Variants in AGAP3 observed in about 807,000 individuals in gnomAD.
The protein encoded by AGAP3 is ArfGAP with GTPase domain, ankyrin repeat and PH domain 3, also known as arf-GAP with GTPase, ANK repeat and PH domain-containing protein 3.
A neutral mutation model predicts 96.9 loss-of-function variants in AGAP3; 24 were observed. The observed-to-expected ratio is 0.25, with a 90% CI of 0.18 to 0.35. AGAP3 has a LOEUF of 0.35. Among genes scored for constraint, AGAP3 ranks in the 10% least tolerant of loss-of-function variants. The pLI, the probability that AGAP3 is intolerant of heterozygous loss-of-function variation, is 1.00. For synonymous variants in AGAP3, 563 were observed against 536.1 expected, an observed-to-expected ratio of 1.05 and a Z score of -0.69; for missense variants, 876 against 1,254.2, an observed-to-expected ratio of 0.70 and a Z score of 4.55.
At chr7:151,104,480 A>G (rs1696180410) in intron 1 of AGAP3, among the ~76,000 whole-genome samples, 1 of 152,248 alleles carries the variant, frequency 6.6e-6, no homozygotes, top group Admixed American at 6.5e-5. Context: ...AGGCCAAAAG[A>G]AAAGAAAGAC....
Position 151,118,655 on chromosome 7 carries a change from C to T in AGAP3, c.969+23C>T, listed in dbSNP as rs895906452. The T allele has an allele frequency of 3.7e-6, 6 of 1,606,328 alleles. No individual in the cohort carries two copies. The Admixed American group carries it at 6.7e-5, about 18-fold the overall frequency. ...CAGGTTCGGCCTGTGCCCCGCCCTG[C>T]CCTTCCTGTCCCCACCATGTCTGTC... On this transcript the variant is annotated intron_variant, in intron 7 of 17. Coordinates refer to ENST00000397238, the MANE Select transcript of AGAP3 (RefSeq NM_031946.7). The surrounding 1 kb of genome is among the most constrained non-coding windows in gnomAD (Gnocchi z 6.1).
At position 151,143,707 on chromosome 7, in the gene AGAP3, C is replaced by A; in HGVS notation, c.2530-30C>A. 2 of 1,613,396 alleles carry A rather than the reference C, an allele frequency of 1.2e-6. No individual in the cohort carries two copies. The highest frequency in any genetic ancestry group is 1.7e-6 in the Non-Finnish European group (2 of 1,179,372). Reference sequence around the variant, plus strand: ...CCAATCTCTCTCCTCCCATGTCTTGCCAACTGTCAACATGTGTTTTCTCCT... The same window carrying A: ...CCAATCTCTCTCCTCCCATGTCTTGACAACTGTCAACATGTGTTTTCTCCT... On this transcript the variant is annotated intron_variant, in intron 17 of 17. Coordinates refer to ENST00000397238, the MANE Select transcript of AGAP3 (RefSeq NM_031946.7). This position sits in a 1 kb window ranked among gnomAD's most constrained non-coding sequence, Gnocchi z 5.9.
chr7:151,086,851 G>A lies in AGAP3; in HGVS notation c.110G>A (p.Gly37Asp). ...AQQLVCGGQF[G>D]GAGPGAGGGG... The stretch of plus-strand genomic sequence containing the variant: ...CAGCTCGTCTGCGGCGGGCAGTTCG[G>A]CGGCGCGGGGCCCGGGGCCGGGGGC... Residue 37 changes from glycine to aspartate, a missense_variant, in exon 1 of 18, where the codon GGC becomes GAC. By Grantham distance (94) the Gly-to-Asp change is moderately conservative. Transcript: ENST00000397238. 1 of 748,176 alleles carries A rather than the reference G, an allele frequency of 1.3e-6. No homozygotes were observed. Among genetic ancestry groups the A allele is most frequent in the Non-Finnish European group, 1.5e-6 (1 of 648,192 alleles). The allele number at this position is 748,176 out of a possible 1,614,324, so 46.3% of individuals were successfully genotyped here. A position where few individuals can be genotyped will look rare whatever the true frequency, so the allele number is the denominator to read the frequency against.
chr7:151,100,414 G>A (rs1011731733), intron 1 of AGAP3, among the ~76,000 whole-genome samples: 16 of 152,352 alleles, frequency 1.1e-4, no homozygotes, highest in African/African-American at 3.8e-4. Flanking sequence ...CCTAAGAGAT[G>A]TGTCGCGTTC....
chr7:151,118,955 AGC>A lies in AGAP3; in HGVS notation c.969+324_969+325del. 6.6e-6 allele frequency among the ~76,000 whole-genome samples: 1 copy of A among 152,322 alleles called. No individual in the cohort carries two copies. Among genetic ancestry groups the A allele is most frequent in the Non-Finnish European group, 1.5e-5 (1 of 68,026 alleles). On this transcript the variant is annotated intron_variant, in intron 7 of 17. Coordinates refer to ENST00000397238, the MANE Select transcript of AGAP3 (RefSeq NM_031946.7). This position sits in a 1 kb window ranked among gnomAD's most constrained non-coding sequence, Gnocchi z 6.1. ...CATCCACAGGTGGCATGGTCAAGGC[AGC>A]AGCCACTGCACTTTACCTCTGCCAA...
intron 8 of AGAP3, among the ~76,000 whole-genome samples, chr7:151,121,517 C>T (rs1799890578): frequency 6.6e-6 from 1 of 152,094 alleles, no homozygotes; most frequent in African/African-American, 2.4e-5. Flanking sequence ...CGTTGGCAAG[C>T]TCTGTAGCAA....
Position 151,114,835 on chromosome 7 carries a change from C to G in AGAP3, c.332-1958C>G, listed in dbSNP as rs1440426220. 1.9e-6 allele frequency: 2 copies of G among 1,056,886 alleles called. No individual in the cohort carries two copies. Among genetic ancestry groups the G allele is most frequent in the African/African-American group, 1.7e-5 (1 of 57,942 alleles). The allele number at this position is 1,056,886 out of a possible 1,614,324, so 65.5% of individuals were successfully genotyped here. A position where few individuals can be genotyped will look rare whatever the true frequency, so the allele number is the denominator to read the frequency against. On this transcript the variant is annotated intron_variant, in intron 1 of 17. Coordinates refer to ENST00000397238, the MANE Select transcript of AGAP3 (RefSeq NM_031946.7). This position sits in a 1 kb window ranked among gnomAD's most constrained non-coding sequence, Gnocchi z 4.4. ...GAGCGGCCCGCCGCTTGCCGCCGCGCCCACAGCGTCTGCGACTCGCTGGAC... is the reference window on the plus strand; with the variant it reads ...GAGCGGCCCGCCGCTTGCCGCCGCGGCCACAGCGTCTGCGACTCGCTGGAC...
In AGAP3 at chr7:151,144,021, G is replaced by A; in HGVS notation, c.*78G>A. On this transcript the variant is annotated 3_prime_UTR_variant, in exon 18 of 18. Transcript: ENST00000397238. ...CCTCCCTGCAGGCACTGTGGGAACA[G>A]ACACAGAGATGGAGAAGCAGGGACA... The A allele has an allele frequency of 7.0e-7, 1 of 1,434,586 alleles. No homozygotes were observed. The allele number at this position is 1,434,586 out of a possible 1,614,324, so 88.9% of individuals were successfully genotyped here. A position where few individuals can be genotyped will look rare whatever the true frequency, so the allele number is the denominator to read the frequency against.
At position 151,142,312 on chromosome 7, in the gene AGAP3, C is replaced by T; in HGVS notation, c.2050+59C>T. ...GATGGCCCAGGGAAAGCTTCGCAAGCATCAGGGAGCAGGGAAGAGGGCAGG... is the reference window on the plus strand; with the variant it reads ...GATGGCCCAGGGAAAGCTTCGCAAGTATCAGGGAGCAGGGAAGAGGGCAGG... On this transcript the variant is annotated intron_variant, in intron 15 of 17. Transcript: ENST00000397238. The surrounding 1 kb of genome is among the most constrained non-coding windows in gnomAD (Gnocchi z 7.5). 2 of 1,601,700 alleles carry T rather than the reference C, an allele frequency of 1.2e-6. No homozygotes were observed. Among genetic ancestry groups the T allele is most frequent in the Non-Finnish European group, 8.5e-7 (1 of 1,172,466 alleles).
chr7:151,113,522 C>T (rs1799391656), intron 1 of AGAP3, among the ~76,000 whole-genome samples: 1 of 152,192 alleles, frequency 6.6e-6, no homozygotes, highest in Non-Finnish European at 1.5e-5. Context: ...TTGGCTCTGA[C>T]CAGGTCCATG....
chr7:151,103,651 C>T (rs945622810), intron 1 of AGAP3, among the ~76,000 whole-genome samples: 2 of 152,152 alleles, frequency 1.3e-5, no homozygotes, highest in African/African-American at 2.4e-5. Context: ...ACCATTACAC[C>T]AGAATAGCAC....
chr7:151,098,983 A>G (rs62490311), intron 1 of AGAP3, among the ~76,000 whole-genome samples: 124,379 of 151,148 alleles, frequency 0.82, 51,737 homozygotes, highest in East Asian at 0.98. Context: ...CAGTCCACTC[A>G]CCTTGGCCTC....
intron 1 of AGAP3, among the ~76,000 whole-genome samples, chr7:151,111,644 C>T (rs1799291165): frequency 6.6e-6 from 1 of 152,108 alleles, no homozygotes; most frequent in African/African-American, 2.4e-5. Context: ...AGAAACTGGG[C>T]ATAACTAGAG....
Position 151,105,718 on chromosome 7 carries a change from A to G in AGAP3, c.332-11075A>G, listed in dbSNP as rs1029795842. Among the ~76,000 whole-genome samples the G allele has an allele frequency of 2.6e-4, 37 of 141,036 alleles. No homozygotes were observed. In the Admixed American group the frequency reaches 2.7e-3, roughly 10 times the overall value. The allele number at this position is 141,036 out of a possible 152,430, so 92.5% of individuals were successfully genotyped here. A position where few individuals can be genotyped will look rare whatever the true frequency, so the allele number is the denominator to read the frequency against. On this transcript the variant is annotated intron_variant, in intron 1 of 17. Coordinates refer to ENST00000397238, the MANE Select transcript of AGAP3 (RefSeq NM_031946.7). ...GAGGGGAGAGGCTCCAGTAAGCTCTAATCTCGCCACTGCACTCCGGCCTGG... is the reference window on the plus strand; with the variant it reads ...GAGGGGAGAGGCTCCAGTAAGCTCTGATCTCGCCACTGCACTCCGGCCTGG...
At chr7:151,112,559 C>T in intron 1 of AGAP3, among the ~76,000 whole-genome samples, 1 of 152,068 alleles carries the variant, frequency 6.6e-6, no homozygotes. Context: ...CCCATCCCCT[C>T]TCCGTCTCCA....
At chr7:151,112,545 T>C (rs1234102055) in intron 1 of AGAP3, among the ~76,000 whole-genome samples, 1 of 152,026 alleles carries the variant, frequency 6.6e-6, no homozygotes, top group Non-Finnish European at 1.5e-5. Context: ...TCGGATACCG[T>C]GTCCCCATCC....
chr7:151,087,747 C>T (rs1156978843), intron 1 of AGAP3, among the ~76,000 whole-genome samples: 2 of 152,134 alleles, frequency 1.3e-5, no homozygotes, highest in Admixed American at 1.3e-4. Flanking sequence ...GCCAGGGACA[C>T]CGCACCCGGA....
intron 2 of AGAP3, 71 bp from the exon 3 acceptor site, chr7:151,117,024 T>C (rs1156418774): frequency 5.2e-6 from 8 of 1,538,080 alleles, no homozygotes; most frequent in Non-Finnish European, 7.2e-6. Context: ...GCTGCTTCTT[T>C]GCTTTTCCTG....
rs1164708517 is a variant in AGAP3, at chr7:151,114,342, G to A, written c.332-2451G>A. 1.7e-4 allele frequency among the ~76,000 whole-genome samples: 26 copies of A among 152,340 alleles called. No homozygotes were observed. The highest frequency in any genetic ancestry group is 4.4e-5 in the Non-Finnish European group (3 of 68,036). ...TGGCTCTTCTGGCTCTTCCTTTGAA[G>A]AATGAGAAATGGCCCGCTTTTCTCC... is the stretch of plus-strand genomic sequence containing the variant. On this transcript the variant is annotated intron_variant, in intron 1 of 17. Transcript: ENST00000397238. The surrounding 1 kb of genome is among the most constrained non-coding windows in gnomAD (Gnocchi z 4.4).
Sources: allele counts gnomAD v4.1 joint callset (sites outside exome capture counted in the v4.1 genomes callset), GRCh38; gene constraint gnomAD v4.1.1; non-coding constraint Gnocchi (gnomAD v3.1); transcripts MANE v1.5; gene names NCBI Gene and HGNC (gene_info 2026-07-23, HGNC 2026-07-21).